RALYL: variants seen among roughly 807,000 people sequenced by gnomAD.
The protein encoded by RALYL is RALY RNA binding protein like, also known as RNA-binding Raly-like protein.
Under a neutral mutation model 35.1 loss-of-function variants are expected in RALYL, and 29 were observed. The observed-to-expected ratio is 0.83, with a 90% confidence interval of 0.61 to 1.13. The LOEUF (loss-of-function observed/expected upper bound fraction) is 1.13, where lower values mean the gene tolerates loss of function less well. RALYL is among the 50% of genes most tolerant of loss of function. The probability of loss-of-function intolerance (pLI) is 0.00; values close to 1 mark genes in which losing one functional copy is unlikely to be tolerated. For synonymous variants in RALYL, 120 were observed against 127.6 expected (o/e 0.94, Z 0.40); for missense variants, 359 against 360.4 (o/e 1.00, Z 0.03).
chr8:84,343,107 A>T (rs1849166837), intron 1 of RALYL, among the ~76,000 whole-genome samples: 1 of 152,086 alleles, frequency 6.6e-6, no homozygotes, highest in Non-Finnish European at 1.5e-5. Flanking sequence ...AAAGGAGTAT[A>T]TTTTAAAGAT....
chr8:84,384,609 A>G (rs999617658), intron 1 of RALYL, among the ~76,000 whole-genome samples: 3 of 151,650 alleles, frequency 2.0e-5, no homozygotes, highest in Non-Finnish European at 4.4e-5. Context: ...CATGGGTGCA[A>G]TGAAATTTTC....
chr8:84,279,178 A>G (rs1281818005), intron 1 of RALYL, among the ~76,000 whole-genome samples: 1 of 152,152 alleles, frequency 6.6e-6, no homozygotes, highest in Non-Finnish European at 1.5e-5. Flanking sequence ...TGTCATGAGA[A>G]CTTACTACCA....
At chr8:84,434,040 C>T (rs1224351361) in intron 1 of RALYL, among the ~76,000 whole-genome samples, 1 of 151,886 alleles carries the variant, frequency 6.6e-6, no homozygotes, top group Non-Finnish European at 1.5e-5. Context: ...GACTGGGTAA[C>T]TTAAAACAAC....
intron 2 of RALYL, among the ~76,000 whole-genome samples, chr8:84,765,126 T>C (rs1335236412): frequency 6.6e-6 from 1 of 152,218 alleles, no homozygotes; most frequent in Non-Finnish European, 1.5e-5. Flanking sequence ...AGTTGAATTT[T>C]CTTCTCCTCT....
intron 2 of RALYL, among the ~76,000 whole-genome samples, chr8:84,697,147 A>G (rs957092650): frequency 3.9e-5 from 6 of 151,992 alleles, no homozygotes; most frequent in Admixed American, 1.3e-4. Context: ...TGCAAATTTT[A>G]AATTGGAAAT....
chr8:84,359,333 G>C (rs1852484369), intron 1 of RALYL, among the ~76,000 whole-genome samples: 1 of 151,540 alleles, frequency 6.6e-6, no homozygotes, highest in Admixed American at 6.6e-5. Flanking sequence ...CTTTTGTTAA[G>C]TTAACCATCT....
chr8:84,663,872 T>G (rs1349388487), intron 2 of RALYL, among the ~76,000 whole-genome samples: 6 of 152,138 alleles, frequency 3.9e-5, no homozygotes, highest in Non-Finnish European at 5.9e-5. Flanking sequence ...TTTGGCATCT[T>G]CATCATGAAA....
chr8:84,632,504 A>G (rs1311032590), intron 2 of RALYL, among the ~76,000 whole-genome samples: 1 of 151,892 alleles, frequency 6.6e-6, no homozygotes, highest in Non-Finnish European at 1.5e-5. Flanking sequence ...GATTGTGGCA[A>G]TTAACAACCT....
intron 1 of RALYL, among the ~76,000 whole-genome samples, chr8:84,441,497 G>A (rs1253504983): frequency 6.6e-6 from 1 of 152,088 alleles, no homozygotes; most frequent in African/African-American, 2.4e-5. Context: ...GCTTTGAAAG[G>A]TCAGATTTAG....
At chr8:84,913,796 T>C (rs987477) in intron 8 of RALYL, among the ~76,000 whole-genome samples, 39,993 of 151,696 alleles carry the variant, frequency 0.26, 5,897 homozygotes, top group East Asian at 0.61. Context: ...AGTGGTTTTT[T>C]TTAAATTACC....
At chr8:84,679,644 C>G (rs1346709902) in intron 2 of RALYL, 4 of 487,336 alleles carry the variant, frequency 8.2e-6, no homozygotes, top group African/African-American at 2.0e-5. Context: ...GATGATGGTG[C>G]TGGAGGTGAC....
intron 8 of RALYL, among the ~76,000 whole-genome samples, chr8:84,920,119 T>G (rs1318552527): frequency 1.3e-5 from 2 of 152,134 alleles, no homozygotes; most frequent in African/African-American, 4.8e-5. Context: ...TACCTTGATT[T>G]GCATGTCTTT....
intron 1 of RALYL, among the ~76,000 whole-genome samples, chr8:84,367,318 A>ATTTGTTTTTGTTT (rs756622990): frequency 4.0e-4 from 11 of 27,408 alleles, no homozygotes; most frequent in Admixed American, 1.0e-3. Context: ...TAATTTTTGT[A>ATTTGTTTTTGTTT]TTTTTTTTTT....
chr8:84,617,857 G>A (rs1050055023), intron 2 of RALYL, among the ~76,000 whole-genome samples: 1 of 151,742 alleles, frequency 6.6e-6, no homozygotes, highest in African/African-American at 2.4e-5. Context: ...TAATCATGTG[G>A]TTTTTGTCTT....
At chr8:84,697,509 A>T (rs1269299525) in intron 2 of RALYL, among the ~76,000 whole-genome samples, 2 of 152,044 alleles carry the variant, frequency 1.3e-5, no homozygotes, top group Non-Finnish European at 2.9e-5. Context: ...ATTAGTGCAA[A>T]TATTATCATT....
chr8:84,216,080 C>A (rs1820746471), intron 1 of RALYL, among the ~76,000 whole-genome samples: 1 of 152,194 alleles, frequency 6.6e-6, no homozygotes, highest in African/African-American at 2.4e-5. Flanking sequence ...CACATGACCT[C>A]TTTTCAGTAT....
At chr8:84,524,439 A>G (rs2058720793) in intron 1 of RALYL, among the ~76,000 whole-genome samples, 1 of 152,228 alleles carries the variant, frequency 6.6e-6, no homozygotes, top group African/African-American at 2.4e-5. Flanking sequence ...ATCATTAAAA[A>G]GTCAGGAAAC....
At chr8:84,288,685 T>G (rs1018286972) in intron 1 of RALYL, among the ~76,000 whole-genome samples, 7 of 152,202 alleles carry the variant, frequency 4.6e-5, no homozygotes, top group African/African-American at 1.4e-4. Context: ...ATTTTCATCT[T>G]ACAGTTTCTT....
chr8:84,840,229 G>A (rs940752413), intron 4 of RALYL, among the ~76,000 whole-genome samples: 1 of 149,072 alleles, frequency 6.7e-6, no homozygotes, highest in African/African-American at 2.5e-5. Flanking sequence ...AAAAAAAAAT[G>A]AGACAAATGG....
Sources: allele counts gnomAD v4.1 joint callset (sites outside exome capture counted in the v4.1 genomes callset), GRCh38; gene constraint gnomAD v4.1.1; transcripts MANE v1.5; gene names NCBI Gene and HGNC (gene_info 2026-07-23, HGNC 2026-07-21).